The following PTPN14 variants were observed in gnomAD, a reference collection of about 807,000 sequenced individuals.
PTPN14 encodes protein tyrosine phosphatase non-receptor type 14, also known as tyrosine-protein phosphatase non-receptor type 14.
Under a neutral mutation model 126.8 loss-of-function variants are expected in PTPN14, and 53 were observed. That is an observed-to-expected ratio of 0.42 (90% CI 0.34 to 0.53). The LOEUF (loss-of-function observed/expected upper bound fraction) is 0.53, where lower values mean the gene tolerates loss of function less well. PTPN14 is among the 20% of genes least tolerant of loss of function. PTPN14 has a pLI of 0.08. For synonymous variants in PTPN14, 630 were observed against 599.3 expected (o/e 1.05, Z -0.75); for missense variants, 1,257 against 1,552.9 (o/e 0.81, Z 3.20).
At chr1:214,429,852 G>T (rs1344400224) in intron 3 of PTPN14, among the ~76,000 whole-genome samples, 1 of 152,086 alleles carries the variant, frequency 6.6e-6, no homozygotes, top group Non-Finnish European at 1.5e-5. Context: ...TCAAAACAGG[G>T]TTTTATGAGA....
chr1:214,525,592 C>T (rs1049183960), intron 1 of PTPN14, among the ~76,000 whole-genome samples: 1 of 152,174 alleles, frequency 6.6e-6, no homozygotes, highest in East Asian at 1.9e-4. Context: ...TCCTCTTTCA[C>T]TCTGACCGCA....
intron 2 of PTPN14, among the ~76,000 whole-genome samples, chr1:214,458,843 G>A (rs966564254): frequency 2.0e-5 from 3 of 152,086 alleles, no homozygotes; most frequent in Non-Finnish European, 4.4e-5. Context: ...TATCTCCTCT[G>A]TAAAAGGCCC....
chr1:214,369,841 A>G, intron 16 of PTPN14, 150 bp from the exon 17 acceptor site: 1 of 680,504 alleles, frequency 1.5e-6, no homozygotes, highest in Non-Finnish European at 2.6e-6. Flanking sequence ...GGTAGATCCT[A>G]TACATGCTAG....
At chr1:214,467,120 G>A (rs901427213) in intron 1 of PTPN14, among the ~76,000 whole-genome samples, 2 of 152,004 alleles carry the variant, frequency 1.3e-5, no homozygotes, top group Admixed American at 1.3e-4. Context: ...TTACCTCTAA[G>A]GTAAGCCAAT....
In PTPN14 at chr1:214,372,814, T is replaced by C. The variant is rs1159864268; in HGVS notation, c.2933A>G (p.His978Arg). Residue 978 changes from histidine (H) to arginine (R), a missense_variant, in exon 16 of 19, where the codon CAC (histidine) becomes CGC (arginine). Physicochemically the swap from His to Arg is conservative, Grantham distance 29. Coordinates refer to ENST00000366956, the MANE Select transcript of PTPN14 (RefSeq NM_005401.5). ...CAGGGGCCCCTGGGTGGCTATGTAGTGCCATTCTGCCCCGCCAACCACCAC... is the reference window on the plus strand; with the variant it reads ...CAGGGGCCCCTGGGTGGCTATGTAGCGCCATTCTGCCCCGCCAACCACCAC... Reference protein sequence around the residue: ...IKVVVGGAEWHYIATQGPLPH... With the variant: ...IKVVVGGAEWRYIATQGPLPH... The C allele has an allele frequency of 6.2e-7, 1 of 1,614,160 alleles. No individual in the cohort carries two copies. Among genetic ancestry groups the C allele is most frequent in the Admixed American group, 1.7e-5 (1 of 60,022 alleles).
rs201141888 is a variant in PTPN14, at chr1:214,401,644, G to T, written c.669+41C>A. On this transcript the variant is annotated intron_variant, in intron 7 of 18. Coordinates refer to ENST00000366956, the MANE Select transcript of PTPN14 (RefSeq NM_005401.5). ...AATGGTTTTCCAAATGCCAGTACCG[G>T]TCTGAGAAGGTTAAAGCCAGCACAG... 6.9e-5 allele frequency: 101 copies of T among 1,464,068 alleles called. No individual in the cohort carries two copies. The African/African-American group carries it at 1.2e-3, about 18-fold the overall frequency. The allele number at this position is 1,464,068 out of a possible 1,614,324, so 90.7% of individuals were successfully genotyped here. A position where few individuals can be genotyped will look rare whatever the true frequency, so the allele number is the denominator to read the frequency against.
intron 3 of PTPN14, among the ~76,000 whole-genome samples, chr1:214,419,934 C>G (rs999086168): frequency 3.3e-5 from 5 of 152,112 alleles, no homozygotes; most frequent in Non-Finnish European, 7.4e-5. Flanking sequence ...AACCTGAATG[C>G]CTCCCTCCCT....
rs10562157 is a variant in PTPN14, at chr1:214,373,558, AACACACACACACACACACAC to A, written c.2908-739_2908-720del. The stretch of plus-strand genomic sequence containing the variant: ...TCTCTTTTCTAGTCGATTTCATTGA[AACACACACACACACACACAC>A]ACACACACACACACACACACACACA... On this transcript the variant is annotated intron_variant, in intron 15 of 18. Transcript: ENST00000366956. Among the ~76,000 whole-genome samples, 216 of 138,688 alleles carry A rather than the reference AACACACACACACACACACAC, an allele frequency of 1.6e-3. 1 individual carries two copies. Among genetic ancestry groups the A allele is most frequent in the Middle Eastern group, 0.011 (3 of 284 alleles). The allele number at this position is 138,688 out of a possible 152,430, so 91.0% of individuals were successfully genotyped here.
intron 17 of PTPN14, among the ~76,000 whole-genome samples, chr1:214,368,380 T>C (rs1400265713): frequency 6.6e-6 from 1 of 151,986 alleles, no homozygotes; most frequent in Admixed American, 6.5e-5. Context: ...TTTGTATTTT[T>C]AGTAGAGATG....
At chr1:214,394,394 G>GTATTT (rs988905249) in intron 9 of PTPN14, among the ~76,000 whole-genome samples, 4 of 152,082 alleles carry the variant, frequency 2.6e-5, no homozygotes, top group African/African-American at 9.7e-5. Flanking sequence ...TGGAAACCTG[G>GTATTT]TATTTTATTT....
chr1:214,443,665 C>T (rs1660082019), intron 3 of PTPN14, among the ~76,000 whole-genome samples: 1 of 152,048 alleles, frequency 6.6e-6, no homozygotes, highest in Non-Finnish European at 1.5e-5. Context: ...GAGTCTAGCG[C>T]AAAGTGAAAA....
chr1:214,398,948 T>C (rs1441871026), intron 7 of PTPN14, among the ~76,000 whole-genome samples: 2 of 151,676 alleles, frequency 1.3e-5, no homozygotes, highest in African/African-American at 2.4e-5. Flanking sequence ...TTTATATTTT[T>C]AGTAGAGACA....
intron 9 of PTPN14, among the ~76,000 whole-genome samples, chr1:214,394,350 G>A (rs1329437074): frequency 2.0e-5 from 3 of 152,198 alleles, no homozygotes; most frequent in African/African-American, 7.2e-5. Flanking sequence ...TAAGGCAGTT[G>A]GAGGGACCAG....
intron 1 of PTPN14, among the ~76,000 whole-genome samples, chr1:214,546,337 A>G (rs1655968279): frequency 6.6e-6 from 1 of 152,228 alleles, no homozygotes; most frequent in South Asian, 2.1e-4. Context: ...TAATGCCCCA[A>G]TTACTTGAGG....
chr1:214,460,240 C>CAAA (rs1291653901), intron 2 of PTPN14, among the ~76,000 whole-genome samples: 2 of 152,138 alleles, frequency 1.3e-5, no homozygotes, highest in Non-Finnish European at 2.9e-5. Flanking sequence ...TATATACAAT[C>CAAA]AAAAGGTGGT....
intron 3 of PTPN14, among the ~76,000 whole-genome samples, chr1:214,449,813 T>G (rs763652274): frequency 6.6e-6 from 1 of 151,524 alleles, no homozygotes; most frequent in Non-Finnish European, 1.5e-5. Flanking sequence ...TTATGCCATC[T>G]ACTTACAATA....
At chr1:214,542,516 C>A (rs1323176569) in intron 1 of PTPN14, among the ~76,000 whole-genome samples, 8 of 152,084 alleles carry the variant, frequency 5.3e-5, no homozygotes, top group Non-Finnish European at 1.0e-4. Flanking sequence ...AGTTCCCAGG[C>A]AGCTGACAGG....
chr1:214,525,700 C>T (rs1044237298), intron 1 of PTPN14, among the ~76,000 whole-genome samples: 1 of 152,112 alleles, frequency 6.6e-6, no homozygotes, highest in African/African-American at 2.4e-5. Context: ...TCTACTAGAT[C>T]AACTAAGTCA....
chr1:214,486,021 C>T (rs1049259264), intron 1 of PTPN14, among the ~76,000 whole-genome samples: 4 of 152,140 alleles, frequency 2.6e-5, no homozygotes, highest in Non-Finnish European at 4.4e-5. Context: ...CCACCGCACC[C>T]GGCCTAGTCT....
Sources: allele counts gnomAD v4.1 joint callset (sites outside exome capture counted in the v4.1 genomes callset), GRCh38; gene constraint gnomAD v4.1.1; transcripts MANE v1.5; gene names NCBI Gene and HGNC (gene_info 2026-07-23, HGNC 2026-07-21).